The following FHOD3 variants were observed in gnomAD, a reference collection of about 807,000 sequenced individuals.
The protein encoded by FHOD3 is FH1/FH2 domain-containing protein 3.
In FHOD3, 90 loss-of-function variants were observed where a neutral mutation model predicts 173.0. The ratio of observed to expected loss-of-function variants is 0.52; its 90% confidence interval spans 0.44 to 0.62. FHOD3 has a LOEUF of 0.62. FHOD3 is among the 20% of genes least tolerant of loss of function. The probability of loss-of-function intolerance (pLI) is 0.00; values close to 1 mark genes in which losing one functional copy is unlikely to be tolerated. For synonymous variants in FHOD3, 828 were observed against 823.0 expected, an observed-to-expected ratio of 1.01 and a Z score of -0.10; for missense variants, 1,945 against 2,034.7, an observed-to-expected ratio of 0.96 and a Z score of 0.85.
intron 3 of FHOD3, among the ~76,000 whole-genome samples, chr18:36,454,842 C>T (rs1173594149): frequency 1.3e-5 from 2 of 152,152 alleles, no homozygotes; most frequent in African/African-American, 2.4e-5. Flanking sequence ...CCATATTCAG[C>T]TGCCACCTAC....
At chr18:36,683,198 A>G (rs2038371797) in intron 15 of FHOD3, among the ~76,000 whole-genome samples, 1 of 152,204 alleles carries the variant, frequency 6.6e-6, no homozygotes, top group African/African-American at 2.4e-5. Context: ...AGAAAGGCCA[A>G]TTTTTTAAAT....
At chr18:36,427,468 CTCT>C (rs1390987366) in intron 3 of FHOD3, among the ~76,000 whole-genome samples, 1 of 152,142 alleles carries the variant, frequency 6.6e-6, no homozygotes, top group Non-Finnish European at 1.5e-5. Context: ...GTGTTCATCC[CTCT>C]TCCCAAAGGG....
At chr18:36,649,185 T>A in intron 10 of FHOD3, 131 bp from the exon 11 acceptor site, 2 of 622,060 alleles carry the variant, frequency 3.2e-6, no homozygotes, top group South Asian at 4.6e-5. Flanking sequence ...GGTGGTTTTT[T>A]TTTTTTAATT....
chr18:36,600,304 C>T (rs1257416311), intron 7 of FHOD3, among the ~76,000 whole-genome samples: 2 of 150,818 alleles, frequency 1.3e-5, no homozygotes, highest in African/African-American at 4.9e-5. Context: ...CACACATACA[C>T]ACACACATTG....
At chr18:36,465,282 C>G (rs558409032) in intron 3 of FHOD3, among the ~76,000 whole-genome samples, 39 of 152,252 alleles carry the variant, frequency 2.6e-4, no homozygotes, top group African/African-American at 9.1e-4. Flanking sequence ...GAGCTGAGAT[C>G]ATGCAATTGC....
At chr18:36,747,226 A>G in intron 24 of FHOD3, 91 bp downstream of exon 24, 1 of 1,052,250 alleles carries the variant, frequency 9.5e-7, no homozygotes. Context: ...TTAAATTTAC[A>G]GATTTTTTGT....
rs1389159009 is a variant in FHOD3 at position 36,760,869 on chromosome 18, C to T, written c.4624+87C>T. 1.0e-5 allele frequency: 14 copies of T among 1,387,416 alleles called. No homozygotes were observed. The Admixed American group carries it at 2.6e-4, about 26-fold the overall frequency. 85.9% of individuals were successfully genotyped at this position (1,387,416 alleles called of 1,614,324 possible). ...GGTCTCCATCGCAGGCTGCGGTCCA[C>T]GGCTGTGACTGGCCCTCGGCTCCAG... On this transcript the variant is annotated intron_variant, in intron 27 of 28. Coordinates refer to ENST00000590592, the MANE Select transcript of FHOD3 (RefSeq NM_001281740.3).
chr18:36,376,365 AT>A (rs1201618654), intron 3 of FHOD3, among the ~76,000 whole-genome samples: 2 of 152,204 alleles, frequency 1.3e-5, no homozygotes, highest in African/African-American at 4.8e-5. Context: ...AACCCTGGCG[AT>A]TGATTCTCTG....
At chr18:36,563,767 T>G (rs1568432055) in intron 5 of FHOD3, among the ~76,000 whole-genome samples, 2 of 152,212 alleles carry the variant, frequency 1.3e-5, no homozygotes, top group South Asian at 4.1e-4. Flanking sequence ...GAAACTCATG[T>G]GTCTTCTCCC....
intron 3 of FHOD3, among the ~76,000 whole-genome samples, chr18:36,424,403 G>A (rs759396505): frequency 6.6e-6 from 1 of 151,988 alleles, no homozygotes; most frequent in Non-Finnish European, 1.5e-5. Flanking sequence ...TATTATAACA[G>A]AACTGCCTGA....
chr18:36,511,841 G>C (rs1035201110), intron 4 of FHOD3, among the ~76,000 whole-genome samples: 1 of 152,210 alleles, frequency 6.6e-6, no homozygotes, highest in South Asian at 2.1e-4. Context: ...AGCCAAGGCG[G>C]TCCTTTCGAG....
chr18:36,337,288 A>C (rs1223933321), intron 1 of FHOD3, among the ~76,000 whole-genome samples: 1 of 152,182 alleles, frequency 6.6e-6, no homozygotes, highest in Non-Finnish European at 1.5e-5. Flanking sequence ...TTTTTGTTAT[A>C]GAAATGTACT....
chr18:36,558,156 C>G (rs2057961073), intron 5 of FHOD3, among the ~76,000 whole-genome samples: 1 of 152,096 alleles, frequency 6.6e-6, no homozygotes, highest in African/African-American at 2.4e-5. Context: ...TTTTCAGGCT[C>G]TTTTTTTCTA....
intron 27 of FHOD3, 107 bp from the exon 28 acceptor site, chr18:36,769,158 T>G: frequency 7.5e-7 from 1 of 1,337,474 alleles, no homozygotes; most frequent in Non-Finnish European, 1.0e-6. Flanking sequence ...TGGCCTTCCC[T>G]GTGATCTGTT....
rs8098720 is a variant in FHOD3, at chr18:36,680,245, G to A, written c.1836-1191G>A. 4.2e-3 allele frequency among the ~76,000 whole-genome samples: 638 copies of A among 152,242 alleles called. 8 individuals carry two copies. The highest frequency in any genetic ancestry group is 0.015 in the African/African-American group (603 of 41,536). On this transcript the variant is annotated intron_variant, in intron 14 of 28. Transcript: ENST00000590592. ...CCACCTATGAGTGATAGCCATAGGT[G>A]ACTCACCTTTTCTAGGGAGAACATC...
At chr18:36,729,440 G>A (rs1326851028) in intron 19 of FHOD3, among the ~76,000 whole-genome samples, 1 of 152,184 alleles carries the variant, frequency 6.6e-6, no homozygotes, top group Non-Finnish European at 1.5e-5. Context: ...CACTGTCTTA[G>A]TTTGCTAAGG....
At position 36,429,112 on chromosome 18, in the gene FHOD3, A is replaced by G. The variant is rs2050399591; in HGVS notation, c.337+56368A>G. On this transcript the variant is annotated intron_variant, in intron 3 of 28. Transcript: ENST00000590592. ...TGAACGGTCTTGAGGTCCAATGAGA[A>G]ATTGAGGATTGTTTTCCCCAGAAGT... 2.6e-5 allele frequency among the ~76,000 whole-genome samples: 4 copies of G among 152,052 alleles called. No individual in the cohort carries two copies. In the South Asian group the frequency reaches 8.3e-4, roughly 32 times the overall value.
intron 1 of FHOD3, among the ~76,000 whole-genome samples, chr18:36,317,213 A>C (rs2044173781): frequency 6.6e-6 from 1 of 152,216 alleles, no homozygotes; most frequent in Non-Finnish European, 1.5e-5. Flanking sequence ...TAGTAGCATG[A>C]TTTATAATCC....
At chr18:36,465,983 AG>A (rs2052899226) in intron 3 of FHOD3, among the ~76,000 whole-genome samples, 1 of 152,210 alleles carries the variant, frequency 6.6e-6, no homozygotes, top group African/African-American at 2.4e-5. Flanking sequence ...TCCTTGAAGT[AG>A]CTTGACCACA....
Sources: gnomAD v4.1 joint callset for allele counts (sites outside exome capture counted in the v4.1 genomes callset) on GRCh38, gnomAD v4.1.1 for gene constraint, MANE v1.5 for transcripts, NCBI Gene and HGNC (gene_info 2026-07-23, HGNC 2026-07-21) for gene names.